The following PI4KB variants were observed in gnomAD, a reference collection of about 807,000 sequenced individuals.
PI4KB encodes the protein phosphatidylinositol 4-kinase beta, also known as PtdIns 4-kinase beta.
Under a neutral mutation model 81.4 loss-of-function variants are expected in PI4KB, and 23 were observed. The observed-to-expected ratio is 0.28, with a 90% CI of 0.20 to 0.40. PI4KB has a LOEUF of 0.40. PI4KB is among the 10% of genes least tolerant of loss of function. The pLI is 1.00. For missense variants in PI4KB, 651 were observed against 1,036.6 expected, an observed-to-expected ratio of 0.63 and a Z score of 5.11; for synonymous variants, 381 against 406.8, an observed-to-expected ratio of 0.94 and a Z score of 0.76.
At position 151,292,358 on chromosome 1, in the gene PI4KB, C is replaced by T. The variant is rs587697347; in HGVS notation, c.*494G>A. 11 of 156,726 alleles carry T rather than the reference C, an allele frequency of 7.0e-5. No homozygotes were observed. The highest frequency in any genetic ancestry group is 1.9e-4 in the East Asian group (1 of 5,172). The allele number at this position is 156,726 out of a possible 1,614,324, so 9.7% of individuals were successfully genotyped here. ...AGCAAGGGGAGCTTGGGCCAGGGGTCGGTCCCTGGGAGGGGTAGGTCCCTG... is the reference window on the plus strand; with the variant it reads ...AGCAAGGGGAGCTTGGGCCAGGGGTTGGTCCCTGGGAGGGGTAGGTCCCTG... On this transcript the variant is annotated 3_prime_UTR_variant, in exon 12 of 12. Coordinates refer to ENST00000368873, the MANE Select transcript of PI4KB (RefSeq NM_001369623.2).
intron 1 of PI4KB, among the ~76,000 whole-genome samples, chr1:151,317,139 CTT>C (rs34628896): frequency 2.1e-4 from 27 of 126,910 alleles, no homozygotes; most frequent in Non-Finnish European, 2.1e-4. Context: ...TTTACAAATT[CTT>C]TTTTTTTTTT....
At chr1:151,326,299 C>G in intron 1 of PI4KB, 1 of 948,172 alleles carries the variant, frequency 1.1e-6, no homozygotes, top group Non-Finnish European at 1.6e-6. Context: ...CCCTTCTGTC[C>G]TGAACGGCCT....
intron 5 of PI4KB, among the ~76,000 whole-genome samples, chr1:151,304,525 A>T (rs1021656314): frequency 6.7e-6 from 1 of 148,206 alleles, no homozygotes; most frequent in African/African-American, 2.5e-5. Context: ...TTGTATTTTT[A>T]GTAGGAACGG....
chr1:151,321,854 C>T (rs1469321811), intron 1 of PI4KB, among the ~76,000 whole-genome samples: 1 of 124,232 alleles, frequency 8.0e-6, no homozygotes, highest in Middle Eastern at 5.4e-3. Flanking sequence ...GCCTGGGCGA[C>T]AGAGTGAGAC....
At chr1:151,321,739 G>A (rs1648868285) in intron 1 of PI4KB, among the ~76,000 whole-genome samples, 1 of 151,670 alleles carries the variant, frequency 6.6e-6, no homozygotes, top group African/African-American at 2.4e-5. Flanking sequence ...CGGGCATGGT[G>A]GTGGGCACCT....
rs1557779206 is a variant in PI4KB at position 151,292,220 on chromosome 1, G to A, written c.*632C>T. ...GGGTTTGGGGAAGGAGTCAGGGTAG[G>A]GAATTCCACATGGCTAGGCCAGTAC... On this transcript the variant is annotated 3_prime_UTR_variant, in exon 12 of 12. Transcript: ENST00000368873. 1.3e-5 allele frequency: 2 copies of A among 152,332 alleles called. No homozygotes were observed. The highest frequency in any genetic ancestry group is 6.6e-5 in the Admixed American group (1 of 15,260). 9.4% of individuals were successfully genotyped at this position (152,332 alleles called of 1,614,324 possible).
intron 8 of PI4KB, among the ~76,000 whole-genome samples, chr1:151,299,692 G>A (rs1016835931): frequency 1.3e-5 from 2 of 151,062 alleles, no homozygotes; most frequent in Admixed American, 1.3e-4. Flanking sequence ...TCTCTCCGAC[G>A]AAAAAAAAGA....
Position 151,292,727 on chromosome 1 carries a change from T to C in PI4KB, c.*125A>G, listed in dbSNP as rs1054346764. The C allele has an allele frequency of 2.1e-5, 18 of 843,506 alleles. No individual in the cohort carries two copies. The highest frequency in any genetic ancestry group is 3.4e-5 in the African/African-American group (2 of 58,472). The allele number at this position is 843,506 out of a possible 1,614,324, so 52.3% of individuals were successfully genotyped here. A position where few individuals can be genotyped will look rare whatever the true frequency, so the allele number is the denominator to read the frequency against. Reference sequence around the variant, plus strand: ...GTTACCACATGATCCTTCGTGTTTCTTGCCTTCCATTTCCCTTGGGTGGAT... The same window carrying C: ...GTTACCACATGATCCTTCGTGTTTCCTGCCTTCCATTTCCCTTGGGTGGAT... On this transcript the variant is annotated 3_prime_UTR_variant, in exon 12 of 12. Transcript: ENST00000368873.
At chr1:151,312,549 A>G (rs587699012) in intron 2 of PI4KB, among the ~76,000 whole-genome samples, 1 of 152,352 alleles carries the variant, frequency 6.6e-6, no homozygotes, top group Admixed American at 6.5e-5. Context: ...GGGAAGGATA[A>G]CATTTTATCC....
chr1:151,318,760 T>C (rs1012685394), intron 1 of PI4KB, among the ~76,000 whole-genome samples: 3 of 152,092 alleles, frequency 2.0e-5, no homozygotes, highest in African/African-American at 7.2e-5. Context: ...TCTTGATATA[T>C]TTTTCTGGTT....
intron 8 of PI4KB, among the ~76,000 whole-genome samples, chr1:151,299,288 A>G (rs1461131541): frequency 1.3e-5 from 2 of 152,144 alleles, no homozygotes; most frequent in Non-Finnish European, 2.9e-5. Flanking sequence ...TATGTGGGAA[A>G]AGGTATCACC....
At chr1:151,310,281 G>C (rs1175639704) in intron 2 of PI4KB, 26 bp from the exon 3 acceptor site, 2 of 1,064,818 alleles carry the variant, frequency 1.9e-6, no homozygotes, top group Admixed American at 4.0e-5. Context: ...AGGGCAAAGG[G>C]AGAAGGAGGG....
Position 151,292,203 on chromosome 1 carries a change from G to A in PI4KB, c.*649C>T, listed in dbSNP as rs587770258. 6.6e-6 allele frequency: 1 copy of A among 152,486 alleles called. No homozygotes were observed. Among genetic ancestry groups the A allele is most frequent in the Admixed American group, 6.5e-5 (1 of 15,308 alleles). 9.4% of individuals were successfully genotyped at this position (152,486 alleles called of 1,614,324 possible). A position where few individuals can be genotyped will look rare whatever the true frequency, so the allele number is the denominator to read the frequency against. On this transcript the variant is annotated 3_prime_UTR_variant, in exon 12 of 12. Transcript: ENST00000368873. Reference sequence around the variant, plus strand: ...TGAGAGCTCTTTTCCCTGGGTTTGGGGAAGGAGTCAGGGTAGGGAATTCCA... The same window carrying A: ...TGAGAGCTCTTTTCCCTGGGTTTGGAGAAGGAGTCAGGGTAGGGAATTCCA...
intron 6 of PI4KB, 106 bp downstream of exon 6, chr1:151,303,435 G>T: frequency 1.3e-6 from 1 of 786,716 alleles, no homozygotes. Context: ...AAGAGGGAAA[G>T]ACACAGGCCA....
upstream of PI4KB, chr1:151,327,497 C>G: frequency 2.5e-6 from 1 of 396,414 alleles, no homozygotes; most frequent in Admixed American, 4.4e-5. Flanking sequence ...CTTCTTCCTC[C>G]CTCAGTACAA....
Position 151,316,267 on chromosome 1 carries a change from C to T in PI4KB, c.215G>A (p.Gly72Asp). The T allele has an allele frequency of 6.2e-7, 1 of 1,614,172 alleles. No individual in the cohort carries two copies. Among genetic ancestry groups the T allele is most frequent in the Non-Finnish European group, 8.5e-7 (1 of 1,180,012 alleles). Reference protein sequence around the residue: ...LHGGVAVSSRGTPLELVNGDG... With the variant: ...LHGGVAVSSRDTPLELVNGDG... ...CCCATTGACCAACTCCAGTGGGGTGCCTCTGCTAGAGACTGCCACGCCTCC... is the reference window on the plus strand; with the variant it reads ...CCCATTGACCAACTCCAGTGGGGTGTCTCTGCTAGAGACTGCCACGCCTCC... Residue 72 changes from glycine (G) to aspartate (D), a missense_variant, in exon 2 of 12, where the codon GGC becomes GAC. Gly to Asp is a moderately conservative substitution (Grantham distance 94). Around this residue, in one of 5 missense-constraint regions of PI4KB, gnomAD observed 314 missense variants for 397.8 expected, o/e 0.79. Transcript: ENST00000368873.
At chr1:151,324,783 T>G (rs1045362282) in intron 1 of PI4KB, 29 of 985,158 alleles carry the variant, frequency 2.9e-5, no homozygotes, top group Non-Finnish European at 3.4e-5. Context: ...GAGTCCCAAA[T>G]ACACTTGGAC....
intron 3 of PI4KB, among the ~76,000 whole-genome samples, chr1:151,309,420 G>C (rs1405385084): frequency 6.6e-6 from 1 of 152,190 alleles, no homozygotes; most frequent in Non-Finnish European, 1.5e-5. Flanking sequence ...TAGGAATCAT[G>C]ACTGAAAGGG....
Position 151,291,824 on chromosome 1 carries a change from T to C in PI4KB, c.*1028A>G, listed in dbSNP as rs2101892443. The C allele has an allele frequency of 6.6e-6, 1 of 152,580 alleles. No homozygotes were observed. The highest frequency in any genetic ancestry group is 2.1e-4 in the South Asian group (1 of 4,820). 9.5% of individuals were successfully genotyped at this position (152,580 alleles called of 1,614,324 possible). The stretch of plus-strand genomic sequence containing the variant: ...CAGGCTCTCAGGAATCCTTTATTCT[T>C]GTAGTAATAATAATACTAACAAACA... On this transcript the variant is annotated 3_prime_UTR_variant, in exon 12 of 12. Coordinates refer to ENST00000368873, the MANE Select transcript of PI4KB (RefSeq NM_001369623.2).
Sources: allele counts gnomAD v4.1 joint callset (sites outside exome capture counted in the v4.1 genomes callset), GRCh38; gene constraint gnomAD v4.1.1; regional missense constraint gnomAD v4.1.1; transcripts MANE v1.5; gene names NCBI Gene and HGNC (gene_info 2026-07-23, HGNC 2026-07-21).